TJP1: variants seen among roughly 807,000 people sequenced by gnomAD.
TJP1 encodes the protein tight junction protein ZO-1.
A neutral mutation model predicts 194.2 loss-of-function variants in TJP1; 43 were observed. That is an observed-to-expected ratio of 0.22 (90% confidence interval 0.17 to 0.29). TJP1 has a LOEUF of 0.29. Among genes scored for constraint, TJP1 ranks in the 10% least tolerant of loss-of-function variants. TJP1 has a pLI of 1.00. For synonymous variants in TJP1, 801 were observed against 779.0 expected (o/e 1.03, Z -0.47); for missense variants, 1,971 against 2,185.7 (o/e 0.90, Z 1.96).
chr15:29,738,865 TAAAAAA>T (rs71103406), intron 10 of TJP1, among the ~76,000 whole-genome samples: 2 of 48,864 alleles, frequency 4.1e-5, no homozygotes, highest in African/African-American at 1.9e-4. Flanking sequence ...CTGTCACTAC[TAAAAAA>T]AAAAAAAAAA....
intron 2 of TJP1, among the ~76,000 whole-genome samples, chr15:29,789,733 GTCTT>G (rs2047948312): frequency 6.6e-6 from 1 of 152,116 alleles, no homozygotes; most frequent in African/African-American, 2.4e-5. Flanking sequence ...ATATGGATTT[GTCTT>G]TATTTGGCAA....
At chr15:29,719,675 G>A in intron 20 of TJP1, 102 bp downstream of exon 20, 2 of 1,436,364 alleles carry the variant, frequency 1.4e-6, no homozygotes, top group South Asian at 2.7e-5. Context: ...GTATAAGCCT[G>A]CAGTAAAAAA....
At chr15:29,822,481 G>A, upstream of TJP1, 2 of 985,022 alleles carry the variant, frequency 2.0e-6, no homozygotes, top group African/African-American at 1.7e-5. Flanking sequence ...AAACCTGCCG[G>A]CCCGGCCCAC....
chr15:29,950,934 G>C (rs1567229319), intron 2 of TJP1, among the ~76,000 whole-genome samples: 1 of 152,096 alleles, frequency 6.6e-6, no homozygotes, highest in East Asian at 1.9e-4. Flanking sequence ...GTATCTATTT[G>C]ACAAAGTTGT....
chr15:29,730,075 G>A (rs2043521833), intron 15 of TJP1, among the ~76,000 whole-genome samples: 1 of 152,044 alleles, frequency 6.6e-6, no homozygotes, highest in Admixed American at 6.6e-5. Context: ...ACCAAAAATT[G>A]CAGGATAAAA....
At chr15:29,958,995 T>TG (rs1555461226) in intron 1 of TJP1, among the ~76,000 whole-genome samples, 19 of 137,072 alleles carry the variant, frequency 1.4e-4, no homozygotes, top group African/African-American at 6.4e-4. Context: ...GTTTTTTTTT[T>TG]TTGTTTTTTT....
intron 18 of TJP1, among the ~76,000 whole-genome samples, chr15:29,722,555 G>A (rs1239730361): frequency 6.6e-6 from 1 of 152,204 alleles, no homozygotes; most frequent in African/African-American, 2.4e-5. Context: ...GTCTGCTGCA[G>A]GAGCGGAGCC....
At chr15:29,861,750 AT>A (rs1191189120) in intron 2 of TJP1, among the ~76,000 whole-genome samples, 2 of 152,048 alleles carry the variant, frequency 1.3e-5, no homozygotes, top group African/African-American at 4.8e-5. Context: ...TTTTCAATTT[AT>A]TTATTTTGTG....
chr15:29,770,341 G>T (rs1057326444), intron 4 of TJP1, among the ~76,000 whole-genome samples: 1 of 151,934 alleles, frequency 6.6e-6, no homozygotes, highest in African/African-American at 2.4e-5. Flanking sequence ...GCTGAAGCAC[G>T]AGAATCACCT....
intron 2 of TJP1, among the ~76,000 whole-genome samples, chr15:29,782,526 C>T (rs1326557600): frequency 6.6e-6 from 1 of 152,150 alleles, no homozygotes; most frequent in Non-Finnish European, 1.5e-5. Context: ...CTTCCTTATA[C>T]CATACATAGA....
At chr15:29,953,196 C>T (rs2055819164) in intron 2 of TJP1, among the ~76,000 whole-genome samples, 3 of 129,262 alleles carry the variant, frequency 2.3e-5, no homozygotes, top group South Asian at 2.4e-4. Context: ...GACTGGAGTG[C>T]GGTGGCACCA....
chr15:29,831,755 C>A (rs1349365488), intron 2 of TJP1, among the ~76,000 whole-genome samples: 2 of 152,040 alleles, frequency 1.3e-5, no homozygotes, highest in East Asian at 1.9e-4. Context: ...GAAGGGACCC[C>A]TTTTTAGGAG....
chr15:29,782,119 A>T (rs959016488), intron 2 of TJP1, among the ~76,000 whole-genome samples: 3 of 152,244 alleles, frequency 2.0e-5, no homozygotes, highest in African/African-American at 7.2e-5. Context: ...TAACTTCAGC[A>T]GAGTTTCAGG....
At chr15:29,902,004 T>A (rs1321391407) in intron 2 of TJP1, among the ~76,000 whole-genome samples, 1 of 152,036 alleles carries the variant, frequency 6.6e-6, no homozygotes, top group African/African-American at 2.4e-5. Flanking sequence ...ACATTTAGAA[T>A]AATATGAAAA....
intron 2 of TJP1, among the ~76,000 whole-genome samples, chr15:29,953,630 T>C (rs753530216): frequency 2.0e-4 from 30 of 152,274 alleles, no homozygotes; most frequent in Admixed American, 5.2e-4. Context: ...CAGTTATTGC[T>C]TTTCTAAAAA....
chr15:29,733,041 A>T, intron 13 of TJP1, 53 bp downstream of exon 13: 1 of 1,564,430 alleles, frequency 6.4e-7, no homozygotes, highest in Non-Finnish European at 8.8e-7. Flanking sequence ...GATTGAAATG[A>T]TCTATCATCA....
At chr15:29,766,181 C>T in intron 5 of TJP1, 85 bp downstream of exon 5, 1 of 1,506,200 alleles carries the variant, frequency 6.6e-7, no homozygotes, top group African/African-American at 1.4e-5. Flanking sequence ...AAAGCAAAGA[C>T]ATGAAGAGAC....
chr15:29,906,843 G>A (rs2053831886), intron 2 of TJP1, among the ~76,000 whole-genome samples: 1 of 151,938 alleles, frequency 6.6e-6, no homozygotes, highest in Non-Finnish European at 1.5e-5. Context: ...GTCTCCCAAA[G>A]TGCTGGGATT....
chr15:29,745,148 C>A (rs2044680621), intron 8 of TJP1, among the ~76,000 whole-genome samples: 1 of 151,668 alleles, frequency 6.6e-6, no homozygotes, highest in African/African-American at 2.4e-5. Context: ...AAACCAAGAG[C>A]AAACATCCTA....
Sources: allele counts gnomAD v4.1 joint callset (sites outside exome capture counted in the v4.1 genomes callset), GRCh38; gene constraint gnomAD v4.1.1; transcripts MANE v1.5; gene names NCBI Gene and HGNC (gene_info 2026-07-23, HGNC 2026-07-21).